The following TMEM67 variants were observed in gnomAD, a reference collection of about 807,000 sequenced individuals.
TMEM67 encodes the protein meckelin.
In TMEM67, 124 loss-of-function variants were observed where a neutral mutation model predicts 136.6. That is an observed-to-expected ratio of 0.91 (90% CI 0.78 to 1.05). TMEM67 has a LOEUF of 1.05. Ranked by LOEUF, TMEM67 falls within the 50% of genes least tolerant of loss-of-function variation. The pLI is 0.00. For synonymous variants in TMEM67, 364 were observed against 390.5 expected (o/e 0.93, Z 0.80); for missense variants, 1,107 against 1,178.4 (o/e 0.94, Z 0.89).
chr8:93,805,647 ATC>A (rs1168605907), intron 23 of TMEM67, among the ~76,000 whole-genome samples: 1 of 152,152 alleles, frequency 6.6e-6, no homozygotes, highest in African/African-American at 2.4e-5. Context: ...AAGGGAAAGA[ATC>A]TAATTTTAAT....
At chr8:93,823,257 T>G (rs1228759846), downstream of TMEM67, among the ~76,000 whole-genome samples, 4 of 152,212 alleles carry the variant, frequency 2.6e-5, no homozygotes, top group African/African-American at 9.6e-5. Context: ...CCTCTTTGAC[T>G]TGGAAGGACT....
At position 93,791,314 on chromosome 8, in the gene TMEM67, A is replaced by G. The variant is rs1285354151; in HGVS notation, c.1570A>G (p.Thr524Ala). The G allele has an allele frequency of 8.8e-6, 14 of 1,596,878 alleles. No individual in the cohort carries two copies. Among genetic ancestry groups the G allele is most frequent in the Non-Finnish European group, 1.2e-5 (14 of 1,165,080 alleles). Residue 524 changes from threonine to alanine, a missense_variant, in exon 15 of 28, where the codon ACA becomes GCA. Around this residue, in one of 3 missense-constraint regions of TMEM67, gnomAD observed 925 missense variants for 1,002.4 expected, o/e 0.92. Coordinates refer to ENST00000453321, the MANE Select transcript of TMEM67 (RefSeq NM_153704.6). ...EMDHGEAHVQTDIALGVLGGL... is the reference protein window; with the variant it reads ...EMDHGEAHVQADIALGVLGGL... ...GGATCATGGAGAAGCACATGTCCAG[A>G]CAGATGTAAGTTTATTTTAACCTTT...
At chr8:93,784,876 G>A (rs972550652) in intron 11 of TMEM67, among the ~76,000 whole-genome samples, 1 of 152,126 alleles carries the variant, frequency 6.6e-6, no homozygotes, top group Non-Finnish European at 1.5e-5. Context: ...TATCCCGTAG[G>A]ACAGTAGTTT....
Position 93,803,633 on chromosome 8 carries a change from AT to A in TMEM67, c.2274del (p.Phe758LeufsTer2). The A allele has an allele frequency of 6.2e-7, 1 of 1,604,556 alleles. No homozygotes were observed. The highest frequency in any genetic ancestry group is 1.1e-5 in the South Asian group (1 of 90,846). ...VVFFAVFYER[F>X]IEDKIRQFVD... is the part of the protein sequence containing the mutation. ...TGTTCTTTGCTGTCTTTTATGAGAG[AT>A]TTATAGAAGATAAAATTCGACAGTT... On this transcript the variant is annotated frameshift_variant, in exon 22 of 28. Transcript: ENST00000453321. LOFTEE classifies it high-confidence loss of function.
intron 3 of TMEM67, among the ~76,000 whole-genome samples, chr8:93,762,758 A>G (rs556180189): frequency 6.6e-6 from 1 of 152,252 alleles, no homozygotes; most frequent in East Asian, 1.9e-4. Flanking sequence ...CTGTGTGTGC[A>G]CATTCAGAAT....
chr8:93,812,950 G>A (rs930503588), intron 26 of TMEM67, among the ~76,000 whole-genome samples: 8 of 151,860 alleles, frequency 5.3e-5, no homozygotes, highest in African/African-American at 1.9e-4. Context: ...TGGTCAGGCT[G>A]GTCTTGAACC....
Position 93,763,860 on chromosome 8 carries a change from G to T in TMEM67, c.425G>T (p.Gly142Val). The change falls in exon 4 of 28, where the codon GGA becomes GTA. Residue 142 changes from glycine to valine, a missense_variant. By Grantham distance (109) the Gly-to-Val change is moderately radical. Transcript: ENST00000453321. Reference protein sequence around the residue: ...GHILVERDINGTLLSQATCEL... With the variant: ...GHILVERDINVTLLSQATCEL... Reference sequence around the variant, plus strand: ...TGTTCAGTGGAAAGAGACATTAATGGAACATTGTTGTCTCAAGCAACTTGT... The same window carrying T: ...TGTTCAGTGGAAAGAGACATTAATGTAACATTGTTGTCTCAAGCAACTTGT... 1 of 1,612,700 alleles carries T rather than the reference G, an allele frequency of 6.2e-7. No homozygotes were observed. The highest frequency in any genetic ancestry group is 1.1e-5 in the South Asian group (1 of 91,038).
chr8:93,755,175 C>G (rs1421110128), intron 1 of TMEM67, 38 bp downstream of exon 1: 3 of 1,579,376 alleles, frequency 1.9e-6, no homozygotes, highest in Admixed American at 3.3e-5. Context: ...AAAAGTAACA[C>G]TCCCGCCTTG....
intron 23 of TMEM67, 29 bp downstream of exon 23, chr8:93,804,907 T>C: frequency 7.8e-7 from 1 of 1,278,372 alleles, no homozygotes; most frequent in Non-Finnish European, 1.1e-6. Flanking sequence ...TCTTTTTGTT[T>C]TTAAGTTGAG....
At chr8:93,762,637 G>C (rs772695169) in intron 3 of TMEM67, among the ~76,000 whole-genome samples, 13 of 151,944 alleles carry the variant, frequency 8.6e-5, no homozygotes, top group Non-Finnish European at 1.8e-4. Context: ...TGATTCTCAC[G>C]GTATTTGGGG....
chr8:93,794,244 T>A (rs1814510133), intron 16 of TMEM67, among the ~76,000 whole-genome samples: 2 of 152,198 alleles, frequency 1.3e-5, no homozygotes, highest in Admixed American at 1.3e-4. Flanking sequence ...CATGTTATGA[T>A]ACGTGCTTTT....
chr8:93,791,233 A>T, intron 14 of TMEM67, 30 bp from the exon 15 acceptor site: 2 of 1,423,380 alleles, frequency 1.4e-6, no homozygotes, highest in Non-Finnish European at 2.0e-6. Context: ...TAATTTCAGT[A>T]TAGCTAATTT....
chr8:93,767,371 A>G (rs948438981), intron 6 of TMEM67, among the ~76,000 whole-genome samples: 1 of 152,172 alleles, frequency 6.6e-6, no homozygotes, highest in Non-Finnish European at 1.5e-5. Context: ...TCCATTTGTA[A>G]TTGATTAGTA....
chr8:93,831,672 TTG>T, the TMEM67 span, among the ~76,000 whole-genome samples: 4 of 151,066 alleles, frequency 2.6e-5, no homozygotes. Flanking sequence ...ATGCATGTGC[TTG>T]TGTGTGTGTG....
intron 7 of TMEM67, among the ~76,000 whole-genome samples, chr8:93,779,561 G>A (rs554935831): frequency 6.2e-4 from 94 of 152,268 alleles, no homozygotes; most frequent in Non-Finnish European, 1.2e-3. Context: ...GGGTTTTGAT[G>A]TGGATGTCCT....
At chr8:93,778,027 C>T (rs1000280591) in intron 7 of TMEM67, among the ~76,000 whole-genome samples, 5 of 152,300 alleles carry the variant, frequency 3.3e-5, no homozygotes, top group African/African-American at 9.6e-5. Context: ...CTTTATGAAT[C>T]TGGGTGCTCC....
At chr8:93,777,755 G>A (rs1813621488) in intron 7 of TMEM67, among the ~76,000 whole-genome samples, 1 of 152,188 alleles carries the variant, frequency 6.6e-6, no homozygotes, top group African/African-American at 2.4e-5. Flanking sequence ...CATTTGCTGA[G>A]GAGTGCTTTA....
chr8:93,764,892 TC>T (rs1464517294), intron 4 of TMEM67, among the ~76,000 whole-genome samples: 1 of 152,154 alleles, frequency 6.6e-6, no homozygotes, highest in Non-Finnish European at 1.5e-5. Flanking sequence ...CCTCCCTCTG[TC>T]TCATTCATTA....
chr8:93,803,676 A>G lies in TMEM67; in HGVS notation c.2314A>G (p.Met772Val), dbSNP rs777291564. The change falls in exon 22 of 28, where the codon ATG becomes GTG. Residue 772 changes from methionine to valine, a missense_variant. Transcript: ENST00000453321. ...TCGACAGTTCGTTGATTTATGCTCT[A>G]TGAGTAATGTAAGTACTTTCTGACT... is the stretch of plus-strand genomic sequence containing the variant. Reference protein sequence around the residue: ...KIRQFVDLCSMSNISVFLLSH... With the variant: ...KIRQFVDLCSVSNISVFLLSH... 35 of 1,557,606 alleles carry G rather than the reference A, an allele frequency of 2.2e-5. No homozygotes were observed. Among genetic ancestry groups the G allele is most frequent in the Admixed American group, 6.7e-5 (4 of 59,926 alleles).
Sources: gnomAD v4.1 joint callset for allele counts (sites outside exome capture counted in the v4.1 genomes callset) on GRCh38, gnomAD v4.1.1 for gene constraint, gnomAD v4.1.1 regional missense constraint, MANE v1.5 for transcripts, NCBI Gene and HGNC (gene_info 2026-07-23, HGNC 2026-07-21) for gene names.